The following TRIM36 variants were observed in gnomAD, a reference collection of about 807,000 sequenced individuals.
The protein encoded by TRIM36 is E3 ubiquitin-protein ligase TRIM36.
In TRIM36, 42 loss-of-function variants were observed where a neutral mutation model predicts 72.4. The ratio of observed to expected loss-of-function variants is 0.58; its 90% CI spans 0.45 to 0.75. The LOEUF is 0.75. TRIM36 is among the 30% of genes least tolerant of loss of function. The probability of loss-of-function intolerance (pLI) is 0.00; values close to 1 mark genes in which losing one functional copy is unlikely to be tolerated. For missense variants in TRIM36, 913 were observed against 857.1 expected (o/e 1.07, Z -0.81); for synonymous variants, 315 against 282.8 (o/e 1.11, Z -1.14).
At chr5:115,168,104 G>C (rs1002099997) in intron 1 of TRIM36, among the ~76,000 whole-genome samples, 6 of 152,058 alleles carry the variant, frequency 3.9e-5, no homozygotes, top group Non-Finnish European at 7.4e-5. Flanking sequence ...CTCCCACCAG[G>C]TCTCTCCCTC....
chr5:115,164,959 G>T (rs1754682707), intron 1 of TRIM36, among the ~76,000 whole-genome samples: 1 of 152,186 alleles, frequency 6.6e-6, no homozygotes, highest in African/African-American at 2.4e-5. Context: ...AAACAAAGGG[G>T]CTACAGGTCC....
At chr5:115,179,615 C>G (rs1296368917) in intron 1 of TRIM36, among the ~76,000 whole-genome samples, 2 of 152,336 alleles carry the variant, frequency 1.3e-5, no homozygotes, top group Non-Finnish European at 2.9e-5. Flanking sequence ...GAAGTCACCA[C>G]GTTTGAGTAG....
intron 9 of TRIM36, among the ~76,000 whole-genome samples, chr5:115,128,758 C>CAAAAAAAAAAAAAAAAAAAAAAAAAA: frequency 2.1e-5 from 1 of 47,014 alleles, no homozygotes; most frequent in East Asian, 4.1e-4. Context: ...GACTCCGTCT[C>CAAAAAAAAAAAAAAAAAAAAAAAAAA]AAAAAAAAAA....
At chr5:115,138,167 T>C (rs1324436627) in intron 5 of TRIM36, among the ~76,000 whole-genome samples, 2 of 152,232 alleles carry the variant, frequency 1.3e-5, no homozygotes, top group African/African-American at 4.8e-5. Context: ...TGGTGCGATC[T>C]TGGCTCACTG....
At position 115,126,017 on chromosome 5, in the gene TRIM36, T is replaced by C. The variant is rs1752343854; in HGVS notation, c.*486A>G. 6.5e-6 allele frequency: 1 copy of C among 153,232 alleles called. No homozygotes were observed. Among genetic ancestry groups the C allele is most frequent in the African/African-American group, 2.4e-5 (1 of 41,456 alleles). 9.5% of individuals were successfully genotyped at this position (153,232 alleles called of 1,614,324 possible). On this transcript the variant is annotated 3_prime_UTR_variant, in exon 10 of 10. Transcript: ENST00000513154. ...TTTATGGTGTTTTTCTTTTAACCTA[T>C]CTAGAACTTTGTTTTCCTATTGAAA...
At chr5:115,156,261 G>A (rs1271825474) in intron 2 of TRIM36, among the ~76,000 whole-genome samples, 3 of 151,806 alleles carry the variant, frequency 2.0e-5, no homozygotes, top group African/African-American at 4.8e-5. Flanking sequence ...CAAATTCCAT[G>A]CAGTCCCCAT....
intron 1 of TRIM36, among the ~76,000 whole-genome samples, chr5:115,164,532 G>C (rs1394808453): frequency 6.6e-6 from 1 of 152,202 alleles, no homozygotes; most frequent in African/African-American, 2.4e-5. Flanking sequence ...GAGAGAGCAA[G>C]AGCAGGGATA....
At chr5:115,163,207 A>G (rs775058706) in intron 2 of TRIM36, among the ~76,000 whole-genome samples, 13 of 152,100 alleles carry the variant, frequency 8.5e-5, no homozygotes, top group Non-Finnish European at 1.8e-4. Flanking sequence ...TCCACCCGAC[A>G]TGGCCTCCCA....
At chr5:115,159,278 A>G (rs1455498862) in intron 2 of TRIM36, among the ~76,000 whole-genome samples, 1 of 152,246 alleles carries the variant, frequency 6.6e-6, no homozygotes, top group Non-Finnish European at 1.5e-5. Context: ...ATAAGAAAGC[A>G]TTAGCTTATT....
At chr5:115,131,542 C>A (rs1752677032) in intron 8 of TRIM36, among the ~76,000 whole-genome samples, 1 of 152,128 alleles carries the variant, frequency 6.6e-6, no homozygotes, top group Non-Finnish European at 1.5e-5. Context: ...ATAACATTGG[C>A]TGCTAGCCAA....
intron 1 of TRIM36, among the ~76,000 whole-genome samples, chr5:115,168,488 TTAAC>T (rs1440449742): frequency 6.6e-6 from 1 of 152,230 alleles, no homozygotes; most frequent in Non-Finnish European, 1.5e-5. Context: ...TAAAATTGAC[TTAAC>T]TAAATGTAAT....
intron 4 of TRIM36, among the ~76,000 whole-genome samples, chr5:115,142,375 C>T (rs1753325356): frequency 1.3e-5 from 2 of 152,102 alleles, no homozygotes; most frequent in South Asian, 4.1e-4. Flanking sequence ...TGGTGGTACT[C>T]TTTTTTAACT....
In TRIM36 at chr5:115,126,596, T is replaced by C; in HGVS notation, c.2058A>G (p.Thr686=). ...CCATTAATGCAAATGCTGGATACAG[T>C]GTATGTGAACAGTCCACTTGGCGTT... ...LYERQVDCSH[T]LYPAFALMGS... Residue 686 remains threonine (T), a synonymous_variant, in exon 10 of 10, where the codon ACA becomes ACG. Transcript: ENST00000513154. 3 of 1,614,188 alleles carry C rather than the reference T, an allele frequency of 1.9e-6. No homozygotes were observed. Among genetic ancestry groups the C allele is most frequent in the Non-Finnish European group, 2.5e-6 (3 of 1,180,014 alleles).
At chr5:115,171,612 G>A (rs1482125026), upstream of TRIM36, among the ~76,000 whole-genome samples, 1 of 152,138 alleles carries the variant, frequency 6.6e-6, no homozygotes, top group Non-Finnish European at 1.5e-5. Context: ...AAACTTATTA[G>A]TTGACACAGT....
At chr5:115,139,970 G>A (rs1026720869) in intron 5 of TRIM36, among the ~76,000 whole-genome samples, 6 of 152,158 alleles carry the variant, frequency 3.9e-5, no homozygotes, top group African/African-American at 1.4e-4. Flanking sequence ...TTAATAAAAT[G>A]ACCAAAGATG....
upstream of TRIM36, among the ~76,000 whole-genome samples, chr5:115,172,270 A>G (rs1457143702): frequency 6.6e-6 from 1 of 152,168 alleles, no homozygotes; most frequent in Non-Finnish European, 1.5e-5. Flanking sequence ...TTACCTTTTG[A>G]CTAAGCAATT....
In TRIM36 at chr5:115,176,918, A is replaced by G. The variant is rs75393816; in HGVS notation, c.63+3057T>C. Among the ~76,000 whole-genome samples the G allele has an allele frequency of 7.9e-3, 1,200 of 152,358 alleles. 21 individuals carry two copies. The highest frequency in any genetic ancestry group is 0.025 in the African/African-American group (1,059 of 41,584). On this transcript the variant is annotated intron_variant, in intron 1 of 9. Transcript: ENST00000282369. ...AAGCCTCTTGAGAATGATCGTAAGT[A>G]TTAACTACACTTATGCAGTATTGTT... is the stretch of plus-strand genomic sequence containing the variant.
chr5:115,135,999 G>A (rs922321787), intron 7 of TRIM36, among the ~76,000 whole-genome samples: 1 of 151,960 alleles, frequency 6.6e-6, no homozygotes, highest in African/African-American at 2.4e-5. Context: ...TTAGGGAGAG[G>A]AATGAGGTGA....
At chr5:115,152,554 C>T (rs1753950728) in intron 2 of TRIM36, among the ~76,000 whole-genome samples, 1 of 152,116 alleles carries the variant, frequency 6.6e-6, no homozygotes, top group Non-Finnish European at 1.5e-5. Flanking sequence ...AAGATCACTG[C>T]CCAGGAACAC....
Sources: allele counts gnomAD v4.1 joint callset (sites outside exome capture counted in the v4.1 genomes callset), GRCh38; gene constraint gnomAD v4.1.1; transcripts MANE v1.5; gene names NCBI Gene and HGNC (gene_info 2026-07-23, HGNC 2026-07-21).